Variants in THEM5 observed in about 807,000 individuals in gnomAD.
The protein encoded by THEM5 is thioesterase superfamily member 5, also known as acyl-coenzyme A thioesterase THEM5.
A neutral mutation model predicts 24.2 loss-of-function variants in THEM5; 28 were observed. That is an observed-to-expected ratio of 1.16 (90% CI 0.86 to 1.59). The LOEUF (loss-of-function observed/expected upper bound fraction) is 1.59. Ranked by LOEUF, THEM5 falls within the 40% of genes most tolerant of loss-of-function variation. THEM5 has a pLI of 0.00. For missense variants in THEM5, 260 were observed against 296.8 expected (o/e 0.88, Z 0.91); for synonymous variants, 87 against 114.5 (o/e 0.76, Z 1.53).
chr1:151,852,521 G>T (rs937747088), intron 1 of THEM5, 62 bp from the exon 2 acceptor site: 73 of 1,535,892 alleles, frequency 4.8e-5, no homozygotes, highest in Middle Eastern at 1.7e-4. Flanking sequence ...GCCTGGGCTC[G>T]GGACCTCTAA....
At chr1:151,847,916 C>G (rs764094956) in intron 4 of THEM5, 54 bp from the exon 5 acceptor site, 8 of 1,609,220 alleles carry the variant, frequency 5.0e-6, no homozygotes, top group Middle Eastern at 1.8e-4. Context: ...TTCCCCATCC[C>G]TTCACTCTCT....
Position 151,847,883 on chromosome 1 carries a change from G to T in THEM5, c.576-21C>A, listed in dbSNP as rs1395034027. ...TCAAGCTGGGAGACGAGGCAGCTTA[G>T]CCCATCTCTCATGTGAACCCGGTTC... is the stretch of plus-strand genomic sequence containing the variant. On this transcript the variant is annotated intron_variant, in intron 4 of 5. Transcript: ENST00000368817. The T allele has an allele frequency of 6.2e-6, 10 of 1,613,422 alleles. No homozygotes were observed. The Admixed American group carries it at 1.3e-4, about 22-fold the overall frequency.
At chr1:151,851,296 A>T (rs949022643) in intron 2 of THEM5, 105 bp from the exon 3 acceptor site, 49 of 1,427,206 alleles carry the variant, frequency 3.4e-5, no homozygotes, top group Non-Finnish European at 4.8e-6. Flanking sequence ...AGGAGAGAAA[A>T]CCAGAGGACA....
In THEM5 at chr1:151,852,376, C is replaced by T; in HGVS notation, c.207G>A (p.Leu69=). The T allele has an allele frequency of 1.2e-6, 2 of 1,614,140 alleles. No individual in the cohort carries two copies. The highest frequency in any genetic ancestry group is 1.7e-6 in the Non-Finnish European group (2 of 1,180,020). Residue 69 remains leucine, a synonymous_variant, in exon 2 of 6, where the codon CTG becomes CTA. Coordinates refer to ENST00000368817, the MANE Select transcript of THEM5 (RefSeq NM_182578.4). ...TAGTCTTCTCCAGAAATTCTTGGTACAGGCTCAGCATGTCCGAACACCAGC... is the reference window on the plus strand; with the variant it reads ...TAGTCTTCTCCAGAAATTCTTGGTATAGGCTCAGCATGTCCGAACACCAGC... The part of the protein sequence containing the change: ...NASWCSDMLS[L]YQEFLEKTKS...
intron 4 of THEM5, 103 bp from the exon 5 acceptor site, chr1:151,847,965 G>T: frequency 6.4e-7 from 1 of 1,560,378 alleles, no homozygotes; most frequent in Non-Finnish European, 8.7e-7. Flanking sequence ...CGGCCTCGAG[G>T]ACTCAGAAGT....
intron 2 of THEM5, among the ~76,000 whole-genome samples, chr1:151,851,955 G>T (rs1653140163): frequency 6.6e-6 from 1 of 152,154 alleles, no homozygotes; most frequent in Admixed American, 6.5e-5. Flanking sequence ...AGGCTTGATA[G>T]TTAGGGAGGG....
chr1:151,851,038 T>C lies in THEM5; in HGVS notation c.464+15A>G. The C allele has an allele frequency of 6.2e-7, 1 of 1,613,950 alleles. No individual in the cohort carries two copies. Among genetic ancestry groups the C allele is most frequent in the Non-Finnish European group, 8.5e-7 (1 of 1,179,918 alleles). On this transcript the variant is annotated intron_variant, in intron 3 of 5. Coordinates refer to ENST00000368817, the MANE Select transcript of THEM5 (RefSeq NM_182578.4). ...CAAGCCCAGGAGGCAGCCAAGGTCCTACCAGTGACCTTACCCTGGGGGCCC... is the reference window on the plus strand; with the variant it reads ...CAAGCCCAGGAGGCAGCCAAGGTCCCACCAGTGACCTTACCCTGGGGGCCC...
chr1:151,849,924 C>T (rs905689168), intron 3 of THEM5, among the ~76,000 whole-genome samples: 2 of 152,224 alleles, frequency 1.3e-5, no homozygotes, highest in African/African-American at 4.8e-5. Flanking sequence ...TCCTCCTCTG[C>T]CTCTTTGGCC....
At chr1:151,852,653 G>A (rs1653161663) in intron 1 of THEM5, among the ~76,000 whole-genome samples, 194 bp from the exon 2 acceptor site, 1 of 152,080 alleles carries the variant, frequency 6.6e-6, no homozygotes. Context: ...GCATAAGGAT[G>A]CTAAAGAGCA....
At chr1:151,852,597 G>A in intron 1 of THEM5, 138 bp from the exon 2 acceptor site, 1 of 802,544 alleles carries the variant, frequency 1.2e-6, no homozygotes, top group South Asian at 1.7e-5. Context: ...AAGGGAAAGG[G>A]CCCATATTCC....
At chr1:151,847,931 C>G (rs1215435009) in intron 4 of THEM5, 69 bp from the exon 5 acceptor site, 1 of 1,601,568 alleles carries the variant, frequency 6.2e-7, no homozygotes, top group Admixed American at 1.7e-5. Flanking sequence ...CTCTCTGTGT[C>G]CTCTTCCCTC....
Position 151,852,270 on chromosome 1 carries a change from C to T in THEM5, c.313G>A (p.Ala105Thr). 6.2e-7 allele frequency: 1 copy of T among 1,613,438 alleles called. No homozygotes were observed. Among genetic ancestry groups the T allele is most frequent in the Non-Finnish European group, 8.5e-7 (1 of 1,179,968 alleles). Residue 105 changes from alanine to threonine, a missense_variant, in exon 2 of 6, where the codon GCA becomes ACA. Physicochemically the swap from Ala to Thr is moderately conservative, Grantham distance 58. Coordinates refer to ENST00000368817, the MANE Select transcript of THEM5 (RefSeq NM_182578.4). ...IRGLKLPSGLAVSSDKGDCRI... is the reference protein window; with the variant it reads ...IRGLKLPSGLTVSSDKGDCRI... Reference sequence around the variant, plus strand: ...GTCCTGTCCTTACCTGAGGAAACTGCCAGTCCAGATGGGAGCTTGAGTCCC... The same window carrying T: ...GTCCTGTCCTTACCTGAGGAAACTGTCAGTCCAGATGGGAGCTTGAGTCCC...
At chr1:151,853,379 G>A in intron 1 of THEM5, 64 bp downstream of exon 1, 4 of 1,554,884 alleles carry the variant, frequency 2.6e-6, no homozygotes, top group Non-Finnish European at 3.5e-6. Context: ...AGGAGATTTG[G>A]GGTGCTCCTT....
intron 1 of THEM5, 106 bp downstream of exon 1, chr1:151,853,337 C>T: frequency 7.0e-7 from 1 of 1,420,672 alleles, no homozygotes. Context: ...CCTCCGAACA[C>T]TGCCCACCTG....
chr1:151,851,782 A>G (rs1653135196), intron 2 of THEM5, among the ~76,000 whole-genome samples: 1 of 152,136 alleles, frequency 6.6e-6, no homozygotes, highest in African/African-American at 2.4e-5. Context: ...GCACACACAC[A>G]CACAAGAAGG....
chr1:151,851,818 T>G (rs1653136661), intron 2 of THEM5, among the ~76,000 whole-genome samples: 1 of 151,914 alleles, frequency 6.6e-6, no homozygotes, highest in Admixed American at 6.5e-5. Context: ...TAGGATCCAT[T>G]AGGATCATTA....
At chr1:151,849,047 C>T (rs980144571) in intron 3 of THEM5, among the ~76,000 whole-genome samples, 4 of 151,986 alleles carry the variant, frequency 2.6e-5, no homozygotes, top group African/African-American at 4.8e-5. Flanking sequence ...GGTGAAACTC[C>T]GTCTCTACTA....
Position 151,847,415 on chromosome 1 carries a change from C to G in THEM5, c.701-1G>C, listed in dbSNP as rs201302388. 60 of 1,614,072 alleles carry G rather than the reference C, an allele frequency of 3.7e-5. No individual in the cohort carries two copies. The highest frequency in any genetic ancestry group is 5.0e-5 in the Non-Finnish European group (59 of 1,180,008). On this transcript the variant is annotated splice_acceptor_variant, in intron 5 of 5. Transcript: ENST00000368817. LOFTEE classifies it high-confidence loss of function. ...TCCAACTGCAGCTGAAGGAAAACAC[C>G]TGCAAGAGAAGGGTGAGTTGAGCTG...
Position 151,853,647 on chromosome 1 carries a change from C to T in THEM5, c.-82G>A, listed in dbSNP as rs1653186016. On this transcript the variant is annotated 5_prime_UTR_variant, in exon 1 of 6. Coordinates refer to ENST00000368817, the MANE Select transcript of THEM5 (RefSeq NM_182578.4). ...GAGTGCTTTCAGCTGCACTTGGGGC[C>T]GCTTCTCTCCCTTCTGTTGCAGGCT... 8.9e-6 allele frequency: 13 copies of T among 1,465,730 alleles called. No homozygotes were observed. The highest frequency in any genetic ancestry group is 2.4e-5 in the East Asian group (1 of 40,880). 90.8% of individuals were successfully genotyped at this position (1,465,730 alleles called of 1,614,324 possible).
Sources: allele counts gnomAD v4.1 joint callset (sites outside exome capture counted in the v4.1 genomes callset), GRCh38; gene constraint gnomAD v4.1.1; transcripts MANE v1.5; gene names NCBI Gene and HGNC (gene_info 2026-07-23, HGNC 2026-07-21).